The following GALNT13 variants were observed in gnomAD, a reference collection of about 807,000 sequenced individuals.
GALNT13 encodes the protein UDP-GalNAc:polypeptide N-acetylgalactosaminyltransferase 13.
A neutral mutation model predicts 64.2 loss-of-function variants in GALNT13; 28 were observed. That is an observed-to-expected ratio of 0.44 (90% CI 0.32 to 0.60). The LOEUF is 0.60. GALNT13 is among the 20% of genes least tolerant of loss of function. GALNT13 has a pLI of 0.05. For missense variants in GALNT13, 577 were observed against 669.8 expected (o/e 0.86, Z 1.53); for synonymous variants, 214 against 224.6 (o/e 0.95, Z 0.42).
chr2:153,155,146 G>A, the GALNT13 span, among the ~76,000 whole-genome samples: 6 of 152,228 alleles, frequency 3.9e-5, no homozygotes, highest in Non-Finnish European at 5.9e-5. Flanking sequence ...TTGTTGAAGA[G>A]TTTTGCATCA....
chr2:154,454,273 A>G (rs563408503), downstream of GALNT13, among the ~76,000 whole-genome samples: 1 of 152,164 alleles, frequency 6.6e-6, no homozygotes, highest in Non-Finnish European at 1.5e-5. Context: ...ATATATCTAA[A>G]GTGGTGTTGC....
the GALNT13 span, among the ~76,000 whole-genome samples, chr2:153,699,108 G>A: frequency 6.6e-6 from 1 of 152,164 alleles, no homozygotes; most frequent in South Asian, 2.1e-4. Flanking sequence ...CCTGTTCACA[G>A]CTACTCGGGA....
At chr2:153,740,188 T>G in the GALNT13 span, among the ~76,000 whole-genome samples, 6 of 152,132 alleles carry the variant, frequency 3.9e-5, no homozygotes, top group South Asian at 1.2e-3. Flanking sequence ...ATTTTCAACC[T>G]GGTTACTTCT....
chr2:153,903,118 C>T lies in GALNT13; in HGVS notation c.-105+2111C>T, dbSNP rs1473712134. On this transcript the variant is annotated intron_variant, in intron 2 of 12. Transcript: ENST00000392825. Reference sequence around the variant, plus strand: ...TAGTGATAAATCTCTTGTATATATTCACTTGTTGGGCAATAGCAACAGTAA... The same window carrying T: ...TAGTGATAAATCTCTTGTATATATTTACTTGTTGGGCAATAGCAACAGTAA... 2.6e-5 allele frequency among the ~76,000 whole-genome samples: 4 copies of T among 151,922 alleles called. No homozygotes were observed. The East Asian group carries it at 7.7e-4, about 29-fold the overall frequency.
the GALNT13 span, among the ~76,000 whole-genome samples, chr2:153,634,667 C>T: frequency 2.7e-5 from 4 of 150,308 alleles, no homozygotes; most frequent in African/African-American, 9.8e-5. Context: ...TCTTCTGCCT[C>T]AGCCTCCCGA....
the GALNT13 span, among the ~76,000 whole-genome samples, chr2:153,087,494 G>A: frequency 6.6e-6 from 1 of 152,080 alleles, no homozygotes; most frequent in African/African-American, 2.4e-5. Flanking sequence ...TGGCTTCATA[G>A]TATGATTTAG....
chr2:154,098,937 A>G (rs1433936668), intron 3 of GALNT13, among the ~76,000 whole-genome samples: 1 of 151,926 alleles, frequency 6.6e-6, no homozygotes, highest in Admixed American at 6.6e-5. Context: ...GTAGATACAC[A>G]GTAGTGGAGT....
rs573983658 is a variant in GALNT13, at chr2:153,913,792, G to A, written c.-105+12785G>A. Among the ~76,000 whole-genome samples, 20 of 152,062 alleles carry A rather than the reference G, an allele frequency of 1.3e-4. No homozygotes were observed. In the South Asian group the frequency reaches 1.7e-3, roughly 13 times the overall value. On this transcript the variant is annotated intron_variant, in intron 2 of 12. Coordinates refer to ENST00000392825, the MANE Select transcript of GALNT13 (RefSeq NM_052917.4). ...CCTCTCCCTTCAGTCCAGCATCTGTGTCTTCCCTCCATCTGTTCTCAATGC... is the reference window on the plus strand; with the variant it reads ...CCTCTCCCTTCAGTCCAGCATCTGTATCTTCCCTCCATCTGTTCTCAATGC...
intron 4 of GALNT13, among the ~76,000 whole-genome samples, chr2:154,198,425 CT>C (rs1686991928): frequency 6.6e-6 from 1 of 151,686 alleles, no homozygotes; most frequent in African/African-American, 2.4e-5. Flanking sequence ...ATAAAATTTA[CT>C]ATTTTGGTCA....
the GALNT13 span, among the ~76,000 whole-genome samples, chr2:153,439,315 G>C: frequency 1.3e-5 from 2 of 152,142 alleles, no homozygotes; most frequent in African/African-American, 4.8e-5. Context: ...CTCCAGCTGC[G>C]TGCTGGGAGA....
chr2:153,622,681 T>C, the GALNT13 span, among the ~76,000 whole-genome samples: 3 of 152,176 alleles, frequency 2.0e-5, no homozygotes, highest in East Asian at 5.8e-4. Context: ...AGATAATATT[T>C]ACTGAATTGT....
chr2:153,654,257 A>T, the GALNT13 span, among the ~76,000 whole-genome samples: 1 of 152,168 alleles, frequency 6.6e-6, no homozygotes, highest in Non-Finnish European at 1.5e-5. Context: ...GAATTATTTT[A>T]AATTTAAATA....
chr2:153,514,546 A>T, the GALNT13 span, among the ~76,000 whole-genome samples: 1 of 152,110 alleles, frequency 6.6e-6, no homozygotes, highest in Non-Finnish European at 1.5e-5. Context: ...GAGTTGAGGG[A>T]TGTGAGATGA....
intron 8 of GALNT13, among the ~76,000 whole-genome samples, chr2:154,277,672 TA>T (rs2105933808): frequency 6.6e-6 from 1 of 152,278 alleles, no homozygotes; most frequent in African/African-American, 2.4e-5. Context: ...AATTGAGTGG[TA>T]AGTACCAATA....
intron 9 of GALNT13, among the ~76,000 whole-genome samples, chr2:154,317,224 AAG>A (rs1491065567): frequency 5.3e-5 from 8 of 151,708 alleles, no homozygotes; most frequent in East Asian, 1.9e-4. Context: ...AAAAAAAAAA[AAG>A]AAGAATGGTG....
chr2:154,089,863 G>A (rs183640300), intron 3 of GALNT13, among the ~76,000 whole-genome samples: 57 of 146,956 alleles, frequency 3.9e-4, no homozygotes, highest in Non-Finnish European at 1.3e-4. Flanking sequence ...GTTTTGCTGT[G>A]GAGAAGGTCC....
At chr2:153,419,294 T>G in the GALNT13 span, among the ~76,000 whole-genome samples, 1 of 152,168 alleles carries the variant, frequency 6.6e-6, no homozygotes, top group African/African-American at 2.4e-5. Flanking sequence ...TGAGGGAAAC[T>G]GTCCATGATT....
the GALNT13 span, among the ~76,000 whole-genome samples, chr2:153,388,213 C>T: frequency 6.6e-6 from 1 of 152,074 alleles, no homozygotes; most frequent in Non-Finnish European, 1.5e-5. Context: ...TCTAACTATA[C>T]CTTAGCTTCA....
intron 3 of GALNT13, among the ~76,000 whole-genome samples, chr2:153,990,348 T>C (rs569004685): frequency 6.6e-6 from 1 of 152,218 alleles, no homozygotes; most frequent in East Asian, 1.9e-4. Context: ...GGTGTGTTCT[T>C]TGTGTTATAA....
Sources: allele counts gnomAD v4.1 joint callset (sites outside exome capture counted in the v4.1 genomes callset), GRCh38; gene constraint gnomAD v4.1.1; transcripts MANE v1.5; gene names NCBI Gene and HGNC (gene_info 2026-07-23, HGNC 2026-07-21).